The following CTIF variants were observed in gnomAD, a reference collection of about 807,000 sequenced individuals.
CTIF encodes the protein CBP80/20-dependent translation initiation factor.
Under a neutral mutation model 66.0 loss-of-function variants are expected in CTIF, and 21 were observed. The observed-to-expected ratio is 0.32, with a 90% CI of 0.23 to 0.46. The LOEUF (loss-of-function observed/expected upper bound fraction) is 0.46. Ranked by LOEUF, CTIF falls within the 20% of genes least tolerant of loss-of-function variation. The probability of loss-of-function intolerance (pLI) is 1.00; values close to 1 mark genes in which losing one functional copy is unlikely to be tolerated. For missense variants in CTIF, 739 were observed against 812.7 expected, an observed-to-expected ratio of 0.91 and a Z score of 1.10; for synonymous variants, 345 against 326.4, an observed-to-expected ratio of 1.06 and a Z score of -0.62.
At chr18:48,602,850 AATGGATGG>A (rs60224766) in intron 1 of CTIF, among the ~76,000 whole-genome samples, 3,765 of 142,626 alleles carry the variant, frequency 0.026, 131 homozygotes, top group African/African-American at 0.083. Flanking sequence ...TGGATGGATG[AATGGATGG>A]ATGGATGGAT....
At chr18:48,551,660 G>A (rs1276171199) in intron 1 of CTIF, among the ~76,000 whole-genome samples, 2 of 152,196 alleles carry the variant, frequency 1.3e-5, no homozygotes, top group Non-Finnish European at 2.9e-5. Context: ...ACACAGGGAA[G>A]CCAGGCTAGA....
At chr18:48,612,203 C>G (rs1466457523) in intron 1 of CTIF, among the ~76,000 whole-genome samples, 1 of 152,222 alleles carries the variant, frequency 6.6e-6, no homozygotes, top group African/African-American at 2.4e-5. Context: ...GAAGTACATT[C>G]TCGCTGGAGT....
intron 1 of CTIF, among the ~76,000 whole-genome samples, chr18:48,600,341 T>C (rs1433354095): frequency 6.6e-6 from 1 of 152,170 alleles, no homozygotes; most frequent in African/African-American, 2.4e-5. Context: ...CCTGTGTCTG[T>C]ATGTGCTTCA....
At chr18:48,659,489 C>T (rs2091305599) in intron 3 of CTIF, among the ~76,000 whole-genome samples, 1 of 152,190 alleles carries the variant, frequency 6.6e-6, no homozygotes, top group Admixed American at 6.5e-5. Flanking sequence ...GATATTCGTT[C>T]CTGGAGCTGC....
At chr18:48,812,027 A>T (rs1174388664) in intron 9 of CTIF, among the ~76,000 whole-genome samples, 1 of 152,140 alleles carries the variant, frequency 6.6e-6, no homozygotes, top group African/African-American at 2.4e-5. Context: ...CAGTGGCATG[A>T]TCTCAGCTCA....
intron 7 of CTIF, among the ~76,000 whole-genome samples, chr18:48,731,940 A>T (rs114978273): frequency 4.0e-4 from 61 of 152,350 alleles, no homozygotes; most frequent in African/African-American, 1.4e-3. Context: ...GAAATATATA[A>T]ATGAATGAAA....
At chr18:48,748,666 A>G (rs1278128413) in intron 7 of CTIF, among the ~76,000 whole-genome samples, 1 of 152,218 alleles carries the variant, frequency 6.6e-6, no homozygotes, top group Non-Finnish European at 1.5e-5. Flanking sequence ...CAAAACCAGC[A>G]TATGAACCCA....
In CTIF at chr18:48,687,305, GACACACACACACACAC is replaced by G. The variant is rs3082465; in HGVS notation, c.507+16592_507+16607del. On this transcript the variant is annotated intron_variant, in intron 6 of 11. Coordinates refer to ENST00000256413, the MANE Select transcript of CTIF (RefSeq NM_014772.3). ...TGTTGTTCAAAGAACTCTAGGAGGGGACACACACACACACACACACACACACACACACACACACACA... is the reference window on the plus strand; with the variant it reads ...TGTTGTTCAAAGAACTCTAGGAGGGGACACACACACACACACACACACACA... Among the ~76,000 whole-genome samples the G allele has an allele frequency of 5.6e-3, 719 of 128,638 alleles. 3 individuals are homozygous for G. Among genetic ancestry groups the G allele is most frequent in the Admixed American group, 0.01 (126 of 12,590 alleles). 84.4% of individuals were successfully genotyped at this position (128,638 alleles called of 152,430 possible).
chr18:48,590,471 G>A (rs1282355604), intron 1 of CTIF, among the ~76,000 whole-genome samples: 1 of 152,236 alleles, frequency 6.6e-6, no homozygotes, highest in Non-Finnish European at 1.5e-5. Context: ...ACAGGGCCTC[G>A]GAGTGACATA....
At chr18:48,706,666 C>T (rs2092159125) in intron 6 of CTIF, among the ~76,000 whole-genome samples, 1 of 152,166 alleles carries the variant, frequency 6.6e-6, no homozygotes, top group Non-Finnish European at 1.5e-5. Flanking sequence ...CCAGCCTCAG[C>T]CTGCCCTGGA....
chr18:48,820,057 G>T (rs1170231448), intron 10 of CTIF, among the ~76,000 whole-genome samples: 1 of 152,206 alleles, frequency 6.6e-6, no homozygotes, highest in Non-Finnish European at 1.5e-5. Flanking sequence ...CTGAGCACAT[G>T]CCTAATCTTA....
intron 1 of CTIF, among the ~76,000 whole-genome samples, chr18:48,548,589 A>C (rs1385538631): frequency 6.6e-6 from 1 of 152,248 alleles, no homozygotes; most frequent in East Asian, 1.9e-4. Context: ...GCAAGGTTGC[A>C]TCAGATGGCT....
At chr18:48,616,469 G>A (rs904458761) in intron 1 of CTIF, among the ~76,000 whole-genome samples, 3 of 152,222 alleles carry the variant, frequency 2.0e-5, no homozygotes, top group Non-Finnish European at 4.4e-5. Flanking sequence ...CTGAGGGACT[G>A]AGCAGGCCAC....
At chr18:48,752,094 T>A (rs1394541425) in intron 7 of CTIF, among the ~76,000 whole-genome samples, 1 of 152,236 alleles carries the variant, frequency 6.6e-6, no homozygotes, top group Non-Finnish European at 1.5e-5. Context: ...TCTAAAGCTT[T>A]TAGTCCATGC....
intron 1 of CTIF, among the ~76,000 whole-genome samples, chr18:48,596,077 A>G (rs950145221): frequency 5.3e-5 from 8 of 152,228 alleles, no homozygotes; most frequent in African/African-American, 1.9e-4. Context: ...CACCAGGTTC[A>G]GCCTACAGTC....
At chr18:48,589,187 C>A (rs2089837330) in intron 1 of CTIF, among the ~76,000 whole-genome samples, 1 of 152,154 alleles carries the variant, frequency 6.6e-6, no homozygotes, top group Non-Finnish European at 1.5e-5. Flanking sequence ...CTTAAGACAG[C>A]AGAAACTCAT....
chr18:48,705,384 T>C (rs747421063), intron 6 of CTIF, among the ~76,000 whole-genome samples: 3 of 152,226 alleles, frequency 2.0e-5, no homozygotes, highest in Admixed American at 6.5e-5. Context: ...CTTTCTGTGT[T>C]CAAGTTTACT....
At chr18:48,678,081 A>T (rs1032090362) in intron 6 of CTIF, among the ~76,000 whole-genome samples, 1 of 152,198 alleles carries the variant, frequency 6.6e-6, no homozygotes, top group Admixed American at 6.5e-5. Flanking sequence ...CTAAGGAGGG[A>T]CGATGAGGAG....
intron 1 of CTIF, among the ~76,000 whole-genome samples, chr18:48,594,078 C>T (rs1165874099): frequency 6.7e-6 from 1 of 148,228 alleles, no homozygotes; most frequent in Non-Finnish European, 1.5e-5. Context: ...TCCTATCTGC[C>T]CCCTTCCCCC....
Sources: gnomAD v4.1 joint callset for allele counts (sites outside exome capture counted in the v4.1 genomes callset) on GRCh38, gnomAD v4.1.1 for gene constraint, MANE v1.5 for transcripts, NCBI Gene and HGNC (gene_info 2026-07-23, HGNC 2026-07-21) for gene names.